HSPG2: variants seen among roughly 807,000 people sequenced by gnomAD.
HSPG2 encodes the protein heparan sulfate proteoglycan 2.
HSPG2 carries 278 observed loss-of-function variants against 526.6 expected under a neutral mutation model. The ratio of observed to expected loss-of-function variants is 0.53; its 90% confidence interval spans 0.48 to 0.58. The LOEUF is 0.58. Ranked by LOEUF, HSPG2 falls within the 20% of genes least tolerant of loss-of-function variation. The pLI, the probability that HSPG2 is intolerant of heterozygous loss-of-function variation, is 0.00. For synonymous variants in HSPG2, 2,465 were observed against 2,555.4 expected, an observed-to-expected ratio of 0.96 and a Z score of 1.07; for missense variants, 5,354 against 6,099.5, an observed-to-expected ratio of 0.88 and a Z score of 4.07.
rs1357929355 is a variant in HSPG2, at chr1:21,873,030, G to T, written c.3855C>A (p.Ser1285Arg). 1.2e-6 allele frequency: 2 copies of T among 1,607,346 alleles called. No individual in the cohort carries two copies. Among genetic ancestry groups the T allele is most frequent in the Admixed American group, 3.3e-5 (2 of 60,032 alleles). ...GGCACTGACCAGCAGCATCACACTG[G>T]CTGCTGACGCTGCCTTGGGGGTCAC... is the stretch of plus-strand genomic sequence containing the variant. Reference protein sequence around the residue: ...CNCDPQGSVSSQCDAAGQCQC... With the variant: ...CNCDPQGSVSRQCDAAGQCQC... The change falls in exon 31 of 97, where the codon AGC becomes AGA. Residue 1285 changes from serine (S) to arginine (R), a missense_variant. Ser to Arg is a moderately radical substitution (Grantham distance 110). Coordinates refer to ENST00000374695, the MANE Select transcript of HSPG2 (RefSeq NM_005529.7).
At chr1:21,870,884 A>G (rs1176667040) in intron 33 of HSPG2, 11 of 986,228 alleles carry the variant, frequency 1.1e-5, no homozygotes, top group African/African-American at 1.7e-5. Flanking sequence ...TGTGGGGCGC[A>G]GGGAAATGCC....
chr1:21,850,509 TG>T lies in HSPG2; in HGVS notation c.7159-12del. Reference sequence around the variant, plus strand: ...CAGGGAGCCGTGGGTCTGGCCAGAATGGGGGTGAGTCAGAGGGAGCCCTCAG... The same window carrying T: ...CAGGGAGCCGTGGGTCTGGCCAGAATGGGGTGAGTCAGAGGGAGCCCTCAG... On this transcript the variant is annotated splice_polypyrimidine_tract_variant and intron_variant, in intron 55 of 96. Transcript: ENST00000374695. 2 of 1,602,342 alleles carry T rather than the reference TG, an allele frequency of 1.2e-6. No homozygotes were observed. The highest frequency in any genetic ancestry group is 1.7e-6 in the Non-Finnish European group (2 of 1,173,226).
Position 21,850,070 on chromosome 1 carries a change from G to A in HSPG2, c.7417C>T (p.Arg2473Cys), listed in dbSNP as rs757787338. Reference protein sequence around the residue: ...QAHAQVTWHKRGGSLPARHQV... With the variant: ...QAHAQVTWHKCGGSLPARHQV... ...TGCCGGGCCGGGAGGCTGCCCCCGC[G>A]CTTGTGCCACGTGACCTGGGCATGG... Residue 2473 changes from arginine to cysteine, a missense_variant, in exon 57 of 97, where the codon CGC (arginine) becomes TGC (cysteine). By Grantham distance (180) the Arg-to-Cys change is radical. Transcript: ENST00000374695. 9.3e-6 allele frequency: 15 copies of A among 1,613,358 alleles called. No homozygotes were observed. The highest frequency in any genetic ancestry group is 3.3e-5 in the Admixed American group (2 of 60,012).
rs1268099069 is a variant in HSPG2, at chr1:21,850,085, C to G, written c.7402G>C (p.Val2468Leu). ...CTGCCCCCGCGCTTGTGCCACGTGACCTGGGCATGGGCCTGACCAGCAACG... is the reference window on the plus strand; with the variant it reads ...CTGCCCCCGCGCTTGTGCCACGTGAGCTGGGCATGGGCCTGACCAGCAACG... ...CLVAGQAHAQ[V>L]TWHKRGGSLP... The change falls in exon 57 of 97, where the codon GTC becomes CTC. Residue 2468 changes from valine to leucine, a missense_variant. Coordinates refer to ENST00000374695, the MANE Select transcript of HSPG2 (RefSeq NM_005529.7). 6.2e-7 allele frequency: 1 copy of G among 1,613,390 alleles called. No homozygotes were observed. The highest frequency in any genetic ancestry group is 1.3e-5 in the African/African-American group (1 of 74,950).
intron 1 of HSPG2, among the ~76,000 whole-genome samples, chr1:21,906,469 T>C (rs1362715596): frequency 2.0e-5 from 3 of 152,138 alleles, no homozygotes; most frequent in South Asian, 2.1e-4. Context: ...TCATCTGCTG[T>C]AAGGAAGAAG....
Position 21,865,419 on chromosome 1 carries a change from A to G in HSPG2, c.4315-54T>C. The G allele has an allele frequency of 6.5e-7, 1 of 1,530,036 alleles. No individual in the cohort carries two copies. Among genetic ancestry groups the G allele is most frequent in the Middle Eastern group, 1.9e-4 (1 of 5,224 alleles). The allele number at this position is 1,530,036 out of a possible 1,614,324, so 94.8% of individuals were successfully genotyped here. A position where few individuals can be genotyped will look rare whatever the true frequency, so the allele number is the denominator to read the frequency against. ...GGAGCCGAGGGGTCCCTGGGGTGCC[A>G]GGGTGTCCTCCACCAGTCCTAGATT... On this transcript the variant is annotated intron_variant, in intron 34 of 96. Transcript: ENST00000374695. This position sits in a 1 kb window ranked among gnomAD's most constrained non-coding sequence, Gnocchi z 5.4.
Position 21,864,107 on chromosome 1 carries a change from GC to G in HSPG2, c.4732del (p.Ala1578ProfsTer40). ...HSDLCHPETGACSQCQHNAAG... is the reference protein window; with the variant it reads ...HSDLCHPETGXCSQCQHNAAG... ...GCCTCGCTTGCAGCTCACCGAGCAGGCCCCAGTCTCTGGGTGGCACAGGTCT... is the reference window on the plus strand; with the variant it reads ...GCCTCGCTTGCAGCTCACCGAGCAGGCCCAGTCTCTGGGTGGCACAGGTCT... On this transcript the variant is annotated frameshift_variant, in exon 37 of 97. Transcript: ENST00000374695. LOFTEE classifies it high-confidence loss of function. The surrounding 1 kb of genome is among the most constrained non-coding windows in gnomAD (Gnocchi z 4.8). 1 of 1,552,836 alleles carries G rather than the reference GC, an allele frequency of 6.4e-7. No homozygotes were observed. Among genetic ancestry groups the G allele is most frequent in the East Asian group, 2.4e-5 (1 of 41,132 alleles).
In HSPG2 at chr1:21,850,054, G is replaced by C. The variant is rs377464593; in HGVS notation, c.7433C>G (p.Pro2478Arg). 5.6e-6 allele frequency: 9 copies of C among 1,613,190 alleles called. No homozygotes were observed. In the Middle Eastern group the frequency reaches 5.0e-4, roughly 90 times the overall value. ...VTWHKRGGSL[P>R]ARHQVHGSRL... is the part of the protein sequence containing the mutation. ...CCTGCCTCCTACCTGGTGCCGGGCCGGGAGGCTGCCCCCGCGCTTGTGCCA... is the reference window on the plus strand; with the variant it reads ...CCTGCCTCCTACCTGGTGCCGGGCCCGGAGGCTGCCCCCGCGCTTGTGCCA... The change falls in exon 57 of 97, where the codon CCG becomes CGG. Residue 2478 changes from proline to arginine, a missense_variant. By Grantham distance (103) the Pro-to-Arg change is moderately radical. Transcript: ENST00000374695.
At chr1:21,860,434 G>A (rs970525173) in intron 39 of HSPG2, among the ~76,000 whole-genome samples, 199 bp from the exon 40 acceptor site, 12 of 152,208 alleles carry the variant, frequency 7.9e-5, no homozygotes, top group African/African-American at 2.7e-4. Flanking sequence ...GGGAGTGTTA[G>A]CAGGTTGGGT....
chr1:21,829,948 A>G, intron 86 of HSPG2, 45 bp downstream of exon 86: 5 of 1,499,488 alleles, frequency 3.3e-6, no homozygotes, highest in Non-Finnish European at 4.6e-6. Context: ...CAGCCTCCCC[A>G]GCTGACACTA....
chr1:21,833,868 A>T lies in HSPG2; in HGVS notation c.10778T>A (p.Val3593Asp). The T allele has an allele frequency of 6.2e-7, 1 of 1,604,806 alleles. No homozygotes were observed. Residue 3593 changes from valine (V) to aspartate (D), a missense_variant, in exon 78 of 97, where the codon GTC becomes GAC. Val to Asp is a radical substitution (Grantham distance 152). Coordinates refer to ENST00000374695, the MANE Select transcript of HSPG2 (RefSeq NM_005529.7). ...GTAGCCTGAGGCTATGCAGGGGAAG[A>T]CAGCTGCAGAACCAGCAGGCACACG... ...EVRVPAGSAA[V>D]FPCIASGYPT...
At position 21,847,935 on chromosome 1, in the gene HSPG2, C is replaced by A. The variant is rs1410657156; in HGVS notation, c.7873+23G>T. 1 of 1,613,748 alleles carries A rather than the reference C, an allele frequency of 6.2e-7. No homozygotes were observed. The highest frequency in any genetic ancestry group is 1.7e-5 in the Admixed American group (1 of 60,018). On this transcript the variant is annotated intron_variant, in intron 60 of 96. Coordinates refer to ENST00000374695, the MANE Select transcript of HSPG2 (RefSeq NM_005529.7). The surrounding 1 kb of genome is among the most constrained non-coding windows in gnomAD (Gnocchi z 4.1). ...CCACCCTCTGCGCCACTTGTCTGTA[C>A]CCCCTGCCCTCTCTGCTCTCACCGT...
At position 21,935,148 on chromosome 1, in the gene HSPG2, G is replaced by A. The variant is rs183516634; in HGVS notation, c.63+2007C>T. On this transcript the variant is annotated intron_variant, in intron 1 of 96. Coordinates refer to ENST00000374695, the MANE Select transcript of HSPG2 (RefSeq NM_005529.7). ...TCTCAAACTCCTGACCTCGTGATCC[G>A]CCCACCGTGGCCTCCCAAAGTGCTG... is the stretch of plus-strand genomic sequence containing the variant. 2.0e-3 allele frequency among the ~76,000 whole-genome samples: 310 copies of A among 151,814 alleles called. 5 individuals are homozygous for A. The highest frequency in any genetic ancestry group is 7.0e-3 in the African/African-American group (290 of 41,346).
At position 21,841,143 on chromosome 1, in the gene HSPG2, C is replaced by T. The variant is rs751774796; in HGVS notation, c.9471G>A (p.Glu3157=). 2.5e-6 allele frequency: 4 copies of T among 1,613,500 alleles called. No individual in the cohort carries two copies. The highest frequency in any genetic ancestry group is 3.4e-6 in the Non-Finnish European group (4 of 1,179,974). Residue 3157 remains glutamate, a synonymous_variant, in exon 71 of 97, where the codon GAG becomes GAA. Coordinates refer to ENST00000374695, the MANE Select transcript of HSPG2 (RefSeq NM_005529.7). ...TRISSTPAKL[E]QRTYGLMDSH... is the part of the protein sequence containing the mutation. ...TGTCCATGAGCCCATATGTCCGCTG[C>T]TCCAACTTGGCAGGGGTGCTGCTGA...
chr1:21,910,145 TG>T (rs1643585677), intron 1 of HSPG2, among the ~76,000 whole-genome samples: 1 of 152,258 alleles, frequency 6.6e-6, no homozygotes, highest in Non-Finnish European at 1.5e-5. Context: ...ATGGCGATGT[TG>T]GTTCCTCCCT....
chr1:21,904,040 C>T lies in HSPG2; in HGVS notation c.64-7730G>A, dbSNP rs927602763. ...TTCAAGTCACTTCAACCTCGACTTACGGGGTACCTACTATGTGCTGGGCCC... is the reference window on the plus strand; with the variant it reads ...TTCAAGTCACTTCAACCTCGACTTATGGGGTACCTACTATGTGCTGGGCCC... On this transcript the variant is annotated intron_variant, in intron 1 of 96. Coordinates refer to ENST00000374695, the MANE Select transcript of HSPG2 (RefSeq NM_005529.7). The surrounding 1 kb of genome is among the most constrained non-coding windows in gnomAD (Gnocchi z 4.4). Among the ~76,000 whole-genome samples, 9 of 152,216 alleles carry T rather than the reference C, an allele frequency of 5.9e-5. No individual in the cohort carries two copies. Among genetic ancestry groups the T allele is most frequent in the Admixed American group, 3.3e-4 (5 of 15,284 alleles).
At chr1:21,903,686 G>A (rs1372768410) in intron 1 of HSPG2, among the ~76,000 whole-genome samples, 1 of 152,228 alleles carries the variant, frequency 6.6e-6, no homozygotes, top group East Asian at 1.9e-4. Flanking sequence ...TGGGGCTACT[G>A]GGAGAGGCAT....
At chr1:21,861,233 A>G (rs1639761333) in intron 39 of HSPG2, among the ~76,000 whole-genome samples, 1 of 152,200 alleles carries the variant, frequency 6.6e-6, no homozygotes, top group African/African-American at 2.4e-5. Context: ...GAGCTGCTTG[A>G]TAAAAATTTG....
intron 6 of HSPG2, among the ~76,000 whole-genome samples, chr1:21,889,099 G>C (rs1414818765): frequency 1.3e-5 from 2 of 152,232 alleles, no homozygotes; most frequent in Non-Finnish European, 2.9e-5. Flanking sequence ...CTTTAATTGA[G>C]GTGCGGAACA....
Sources: allele counts gnomAD v4.1 joint callset (sites outside exome capture counted in the v4.1 genomes callset), GRCh38; gene constraint gnomAD v4.1.1; non-coding constraint Gnocchi (gnomAD v3.1); transcripts MANE v1.5; gene names NCBI Gene and HGNC (gene_info 2026-07-23, HGNC 2026-07-21).